The following TGFA variants were observed in gnomAD, a reference collection of about 807,000 sequenced individuals.
TGFA encodes the protein transforming growth factor alpha.
In TGFA, 12 loss-of-function variants were observed where a neutral mutation model predicts 21.7. The ratio of observed to expected loss-of-function variants is 0.55; its 90% CI spans 0.35 to 0.90. TGFA has a LOEUF of 0.90. Among genes scored for constraint, TGFA ranks in the 40% least tolerant of loss-of-function variants. TGFA has a pLI of 0.01. For synonymous variants in TGFA, 79 were observed against 88.1 expected (o/e 0.90, Z 0.58); for missense variants, 178 against 210.8 (o/e 0.84, Z 0.96).
intron 1 of TGFA, among the ~76,000 whole-genome samples, chr2:70,516,192 C>G (rs567619354): frequency 6.6e-6 from 1 of 152,194 alleles, no homozygotes; most frequent in African/African-American, 2.4e-5. Flanking sequence ...GTTGCTGTGC[C>G]GAGGGGCTGG....
chr2:70,480,285 T>C (rs543011825), intron 2 of TGFA, among the ~76,000 whole-genome samples: 3 of 152,308 alleles, frequency 2.0e-5, no homozygotes, highest in East Asian at 3.9e-4. Context: ...AGGATCCAGA[T>C]GGCCTGCCCT....
At chr2:70,481,631 G>A (rs1369595308) in intron 2 of TGFA, among the ~76,000 whole-genome samples, 2 of 152,188 alleles carry the variant, frequency 1.3e-5, no homozygotes, top group Admixed American at 6.5e-5. Context: ...TACTGTCTCA[G>A]GGCTGGTCTG....
intron 2 of TGFA, among the ~76,000 whole-genome samples, chr2:70,471,115 C>A (rs548339997): frequency 3.5e-5 from 5 of 141,448 alleles, no homozygotes; most frequent in Non-Finnish European, 6.0e-5. Context: ...CCGCACCCCC[C>A]CCACCATATA....
intron 1 of TGFA, among the ~76,000 whole-genome samples, chr2:70,516,688 C>T (rs1672290676): frequency 6.6e-6 from 1 of 152,214 alleles, no homozygotes; most frequent in East Asian, 1.9e-4. Flanking sequence ...GCATCCCCAT[C>T]CAAGCCGGGA....
At chr2:70,499,776 T>C (rs951763491) in intron 2 of TGFA, among the ~76,000 whole-genome samples, 28 of 152,302 alleles carry the variant, frequency 1.8e-4, no homozygotes, top group African/African-American at 6.0e-4. Context: ...AACAGCTGGC[T>C]GCAGCACAAT....
chr2:70,509,015 T>C (rs1030289378), intron 2 of TGFA, among the ~76,000 whole-genome samples: 1 of 152,258 alleles, frequency 6.6e-6, no homozygotes, highest in African/African-American at 2.4e-5. Flanking sequence ...GGATAAATCT[T>C]GGAGAGGAAA....
intron 1 of TGFA, among the ~76,000 whole-genome samples, chr2:70,516,735 T>A (rs1428005901): frequency 6.6e-6 from 1 of 152,166 alleles, no homozygotes; most frequent in Non-Finnish European, 1.5e-5. Flanking sequence ...TGGGGAACAG[T>A]CATGTTCTGA....
At chr2:70,520,545 A>T (rs1672415065) in intron 1 of TGFA, among the ~76,000 whole-genome samples, 1 of 152,162 alleles carries the variant, frequency 6.6e-6, no homozygotes, top group African/African-American at 2.4e-5. Flanking sequence ...TACTTATGTT[A>T]ACTAATCAAA....
At chr2:70,492,486 C>T (rs1251600984) in intron 2 of TGFA, among the ~76,000 whole-genome samples, 6 of 152,162 alleles carry the variant, frequency 3.9e-5, no homozygotes, top group Non-Finnish European at 8.8e-5. Flanking sequence ...GCATTATTTT[C>T]CCATTTCATA....
intron 2 of TGFA, among the ~76,000 whole-genome samples, chr2:70,490,614 A>G (rs1300569085): frequency 1.3e-5 from 2 of 152,220 alleles, no homozygotes; most frequent in Non-Finnish European, 2.9e-5. Flanking sequence ...TTTCACTGCC[A>G]GGGGATAGAA....
At chr2:70,504,517 C>CACAG (rs1457367069) in intron 2 of TGFA, among the ~76,000 whole-genome samples, 2 of 140,290 alleles carry the variant, frequency 1.4e-5, no homozygotes, top group African/African-American at 5.2e-5. Context: ...CACACACACA[C>CACAG]AGAAGATTCC....
In TGFA at chr2:70,527,476, T is replaced by G. The variant is rs74962398; in HGVS notation, c.41-12564A>C. Among the ~76,000 whole-genome samples, 171 of 152,262 alleles carry G rather than the reference T, an allele frequency of 1.1e-3. No individual in the cohort carries two copies. In the East Asian group the frequency reaches 0.031, roughly 28 times the overall value. ...GGATGAACAGGTGTAGCACAGGCAA[T>G]TTTTAGGTCAGTGAAATGACTCTGT... On this transcript the variant is annotated intron_variant, in intron 1 of 5. Transcript: ENST00000295400.
chr2:70,526,168 T>C (rs1672628833), intron 1 of TGFA, among the ~76,000 whole-genome samples: 1 of 152,186 alleles, frequency 6.6e-6, no homozygotes, highest in South Asian at 2.1e-4. Context: ...CTTTTTCCTG[T>C]CAGCTCTTCC....
At chr2:70,527,134 G>T (rs181738452) in intron 1 of TGFA, among the ~76,000 whole-genome samples, 39 of 152,292 alleles carry the variant, frequency 2.6e-4, no homozygotes, top group Non-Finnish European at 8.8e-5. Context: ...TATCTTCAAA[G>T]AAAAATCTGC....
chr2:70,509,662 G>C (rs1672032307), intron 2 of TGFA, among the ~76,000 whole-genome samples: 1 of 152,184 alleles, frequency 6.6e-6, no homozygotes, highest in Non-Finnish European at 1.5e-5. Flanking sequence ...GAGGTTTAAA[G>C]TGCCGCCCTG....
In TGFA at chr2:70,450,865, C is replaced by T; in HGVS notation, c.477G>A (p.Val159=). The T allele has an allele frequency of 6.2e-7, 1 of 1,609,116 alleles. No individual in the cohort carries two copies. The highest frequency in any genetic ancestry group is 1.1e-5 in the South Asian group (1 of 89,880). ...GRTACCHSET[V]V is the part of the protein sequence containing the mutation. ...AACTCCTCCTCTGGGCTCTTCAGAC[C>T]ACTGGCAGGAAGGAAAAACAGGTTA... Residue 159 remains valine, a splice_region_variant and synonymous_variant, in exon 6 of 6, where the codon GTG becomes GTA. Transcript: ENST00000295400.
intron 1 of TGFA, among the ~76,000 whole-genome samples, chr2:70,519,302 A>G (rs554421443): frequency 3.3e-5 from 5 of 152,202 alleles, no homozygotes; most frequent in Non-Finnish European, 7.3e-5. Flanking sequence ...ATAAATATAT[A>G]AAGAAATGGG....
At chr2:70,537,985 A>G (rs1673022671) in intron 1 of TGFA, among the ~76,000 whole-genome samples, 1 of 152,176 alleles carries the variant, frequency 6.6e-6, no homozygotes, top group South Asian at 2.1e-4. Context: ...TTCTCTTGTT[A>G]GGGGCTAATG....
intron 3 of TGFA, among the ~76,000 whole-genome samples, chr2:70,465,381 C>G (rs2103696427): frequency 6.6e-6 from 1 of 152,262 alleles, no homozygotes; most frequent in African/African-American, 2.4e-5. Context: ...GGGCCCCAGG[C>G]TTGAACTTCC....
Sources: allele counts gnomAD v4.1 joint callset (sites outside exome capture counted in the v4.1 genomes callset), GRCh38; gene constraint gnomAD v4.1.1; transcripts MANE v1.5; gene names NCBI Gene and HGNC (gene_info 2026-07-23, HGNC 2026-07-21).